Variants in NLK observed in about 807,000 individuals in gnomAD.
NLK encodes nemo like kinase.
In NLK, 11 loss-of-function variants were observed where a neutral mutation model predicts 59.0. That is an observed-to-expected ratio of 0.19 (90% CI 0.12 to 0.31). The LOEUF is 0.31. Among genes scored for constraint, NLK ranks in the 10% least tolerant of loss-of-function variants. The pLI is 1.00. For synonymous variants in NLK, 235 were observed against 235.9 expected, an observed-to-expected ratio of 1.00 and a Z score of 0.03; for missense variants, 410 against 661.1, an observed-to-expected ratio of 0.62 and a Z score of 4.16.
At chr17:28,158,438 C>T (rs1218318991) in intron 3 of NLK, among the ~76,000 whole-genome samples, 1 of 152,082 alleles carries the variant, frequency 6.6e-6, no homozygotes, top group Admixed American at 6.5e-5. Flanking sequence ...CATTACTGTG[C>T]ATTACTATAG....
At chr17:28,089,000 G>C (rs550450293) in intron 1 of NLK, among the ~76,000 whole-genome samples, 103 of 152,224 alleles carry the variant, frequency 6.8e-4, no homozygotes, top group African/African-American at 2.4e-3. Context: ...GATAGAATTA[G>C]AACTTCACAT....
chr17:28,071,645 G>A (rs1910010799), intron 1 of NLK, among the ~76,000 whole-genome samples: 1 of 152,040 alleles, frequency 6.6e-6, no homozygotes, highest in Non-Finnish European at 1.5e-5. Context: ...CTAGTTGTAG[G>A]CACTCCTGTC....
chr17:28,060,308 C>G (rs1034528859), intron 1 of NLK, among the ~76,000 whole-genome samples: 2 of 151,806 alleles, frequency 1.3e-5, no homozygotes, highest in African/African-American at 4.8e-5. Flanking sequence ...ATGAAGACAT[C>G]TAAGATGTGT....
At chr17:28,099,714 G>T (rs1904837368) in intron 1 of NLK, among the ~76,000 whole-genome samples, 1 of 150,802 alleles carries the variant, frequency 6.6e-6, no homozygotes, top group Non-Finnish European at 1.5e-5. Flanking sequence ...GAGTAGCTGG[G>T]ACTACAGGCG....
At chr17:28,117,963 A>G (rs1905852928) in intron 1 of NLK, among the ~76,000 whole-genome samples, 1 of 152,154 alleles carries the variant, frequency 6.6e-6, no homozygotes, top group African/African-American at 2.4e-5. Context: ...GCAGTTAGAA[A>G]GACCAGTGAG....
chr17:28,122,150 A>G (rs1005355868), intron 1 of NLK, among the ~76,000 whole-genome samples: 25 of 152,348 alleles, frequency 1.6e-4, no homozygotes, highest in African/African-American at 5.1e-4. Flanking sequence ...TATACATAAG[A>G]AATCTAAATA....
At chr17:28,130,915 CAT>C (rs1274894665) in intron 2 of NLK, among the ~76,000 whole-genome samples, 9 of 151,910 alleles carry the variant, frequency 5.9e-5, no homozygotes, top group Admixed American at 5.9e-4. Context: ...ATGCATCTGT[CAT>C]ATGAAAAAAA....
intron 6 of NLK, chr17:28,171,302 T>C (rs1330276933): frequency 6.6e-6 from 1 of 152,244 alleles, no homozygotes; most frequent in African/African-American, 2.4e-5. Flanking sequence ...TAGTGCTTTA[T>C]ATTCGGCAAG....
At chr17:28,202,733 A>G in the NLK span, among the ~76,000 whole-genome samples, 7 of 146,048 alleles carry the variant, frequency 4.8e-5, no homozygotes, top group East Asian at 1.4e-3. Flanking sequence ...CCCAGGCTAG[A>G]GTGCAATGGT....
chr17:28,063,515 A>G (rs1324055415), intron 1 of NLK, among the ~76,000 whole-genome samples: 1 of 152,180 alleles, frequency 6.6e-6, no homozygotes, highest in Non-Finnish European at 1.5e-5. Context: ...TTTTGTAAAA[A>G]GTATTCACTA....
chr17:28,078,156 G>C (rs1217044078), intron 1 of NLK, among the ~76,000 whole-genome samples: 1 of 151,956 alleles, frequency 6.6e-6, no homozygotes, highest in African/African-American at 2.4e-5. Flanking sequence ...TTTTCTCCCA[G>C]AAAACATATG....
chr17:28,133,012 T>C (rs1411734008), intron 3 of NLK, among the ~76,000 whole-genome samples: 1 of 152,236 alleles, frequency 6.6e-6, no homozygotes, highest in Non-Finnish European at 1.5e-5. Context: ...TTTACCACTA[T>C]ACAACAGCTG....
chr17:28,192,229 TA>T lies in NLK; in HGVS notation c.1529+18del, dbSNP rs1445041545. 7.6e-7 allele frequency: 1 copy of T among 1,308,476 alleles called. No homozygotes were observed. The highest frequency in any genetic ancestry group is 1.1e-6 in the Non-Finnish European group (1 of 912,256). The allele number at this position is 1,308,476 out of a possible 1,614,324, so 81.1% of individuals were successfully genotyped here. A position where few individuals can be genotyped will look rare whatever the true frequency, so the allele number is the denominator to read the frequency against. Reference sequence around the variant, plus strand: ...GCTTTATTAGGTAACTATATGTATGTAATTCAACATTCTTGTTAGAATTAAA... The same window carrying T: ...GCTTTATTAGGTAACTATATGTATGTATTCAACATTCTTGTTAGAATTAAA... On this transcript the variant is annotated intron_variant, in intron 10 of 10. Coordinates refer to ENST00000407008, the MANE Select transcript of NLK (RefSeq NM_016231.5).
chr17:28,072,327 CTT>C (rs56146394), intron 1 of NLK, among the ~76,000 whole-genome samples: 32 of 132,668 alleles, frequency 2.4e-4, no homozygotes, highest in Middle Eastern at 3.8e-3. Flanking sequence ...TCTTCTTTTT[CTT>C]TTTTTTTTTT....
chr17:28,085,949 G>T (rs1006801150), intron 1 of NLK, among the ~76,000 whole-genome samples: 1 of 152,028 alleles, frequency 6.6e-6, no homozygotes, highest in Non-Finnish European at 1.5e-5. Flanking sequence ...ATACCATCTA[G>T]GTTTGTGTAA....
At position 28,189,407 on chromosome 17, in the gene NLK, T is replaced by A. The variant is rs141572820; in HGVS notation, c.1237-1614T>A. ...TAACCCAGCAGGTAACTGATTTTTT[T>A]AAAAAGAGGAAGCATTTCTGTTTAT... On this transcript the variant is annotated intron_variant, in intron 8 of 10. Transcript: ENST00000407008. Among the ~76,000 whole-genome samples the A allele has an allele frequency of 6.9e-3, 1,049 of 152,314 alleles. 10 individuals carry two copies. The highest frequency in any genetic ancestry group is 0.024 in the African/African-American group (981 of 41,564).
Position 28,195,648 on chromosome 17 carries a change from G to A in NLK, c.*1012G>A, listed in dbSNP as rs1027968257. The A allele has an allele frequency of 6.6e-6, 1 of 152,598 alleles. No individual in the cohort carries two copies. Among genetic ancestry groups the A allele is most frequent in the Non-Finnish European group, 1.5e-5 (1 of 68,032 alleles). 9.5% of individuals were successfully genotyped at this position (152,598 alleles called of 1,614,324 possible). On this transcript the variant is annotated 3_prime_UTR_variant, in exon 11 of 11. Coordinates refer to ENST00000407008, the MANE Select transcript of NLK (RefSeq NM_016231.5). ...GGCAAAGCTGTGGGAGTCTTGAAAT[G>A]TCACAGTAGTAAATAACTTATTACT...
chr17:28,129,987 G>A (rs942488893), intron 2 of NLK, among the ~76,000 whole-genome samples: 1 of 152,146 alleles, frequency 6.6e-6, no homozygotes, highest in Non-Finnish European at 1.5e-5. Flanking sequence ...ACACTGTTAA[G>A]AAATGTGTTT....
chr17:28,073,244 G>A (rs1402569387), intron 1 of NLK, among the ~76,000 whole-genome samples: 6 of 152,130 alleles, frequency 3.9e-5, no homozygotes. Flanking sequence ...TCTGCAGAAT[G>A]AGCTTTTACC....
Sources: gnomAD v4.1 joint callset for allele counts (sites outside exome capture counted in the v4.1 genomes callset) on GRCh38, gnomAD v4.1.1 for gene constraint, MANE v1.5 for transcripts, NCBI Gene and HGNC (gene_info 2026-07-23, HGNC 2026-07-21) for gene names.